LTBP2: variants seen among roughly 807,000 people sequenced by gnomAD.
LTBP2 encodes the protein latent transforming growth factor beta binding protein 2.
Under a neutral mutation model 210.6 loss-of-function variants are expected in LTBP2, and 103 were observed. The ratio of observed to expected loss-of-function variants is 0.49; its 90% CI spans 0.42 to 0.58. The LOEUF is 0.58. Ranked by LOEUF, LTBP2 falls within the 20% of genes least tolerant of loss-of-function variation. The probability of loss-of-function intolerance (pLI) is 0.00; values close to 1 mark genes in which losing one functional copy is unlikely to be tolerated. For synonymous variants in LTBP2, 1,007 were observed against 1,015.0 expected (o/e 0.99, Z 0.15); for missense variants, 2,313 against 2,494.5 (o/e 0.93, Z 1.55).
At chr14:74,610,400 A>G (rs1291252093) in intron 1 of LTBP2, among the ~76,000 whole-genome samples, 1 of 152,242 alleles carries the variant, frequency 6.6e-6, no homozygotes, top group Non-Finnish European at 1.5e-5. Flanking sequence ...ACAGAGCGCC[A>G]AGGCTGCGAA....
intron 2 of LTBP2, among the ~76,000 whole-genome samples, chr14:74,596,190 A>T (rs2088357593): frequency 6.6e-6 from 1 of 151,890 alleles, no homozygotes; most frequent in Non-Finnish European, 1.5e-5. Context: ...GCGCCACTGC[A>T]CTCCAGCCTG....
chr14:74,564,344 TTTATATATATTTA>T, intron 3 of LTBP2, among the ~76,000 whole-genome samples: 1 of 9,192 alleles, frequency 1.1e-4, no homozygotes, highest in South Asian at 6.3e-3. Flanking sequence ...TATATATATA[TTTATATATATTTA>T]TATATATATT....
chr14:74,567,069 G>A (rs1374200803), intron 3 of LTBP2, among the ~76,000 whole-genome samples: 1 of 152,200 alleles, frequency 6.6e-6, no homozygotes, highest in African/African-American at 2.4e-5. Context: ...CAGCTCAAGG[G>A]AACACAGCAT....
chr14:74,562,853 G>A (rs1566639857), intron 3 of LTBP2, among the ~76,000 whole-genome samples: 1 of 152,144 alleles, frequency 6.6e-6, no homozygotes, highest in Non-Finnish European at 1.5e-5. Flanking sequence ...AAAGCAATTT[G>A]GCAACGTCTA....
intron 18 of LTBP2, among the ~76,000 whole-genome samples, chr14:74,515,902 C>T (rs1489477313): frequency 6.6e-6 from 1 of 152,190 alleles, no homozygotes; most frequent in Non-Finnish European, 1.5e-5. Flanking sequence ...GAAGGCAGAG[C>T]TGTCTGTCCT....
At chr14:74,523,357 T>C (rs1366638011) in intron 15 of LTBP2, among the ~76,000 whole-genome samples, 2 of 150,666 alleles carry the variant, frequency 1.3e-5, no homozygotes, top group South Asian at 2.1e-4. Flanking sequence ...ATGGGAGGGG[T>C]GGACTGGGGT....
chr14:74,525,276 T>C (rs373243097), intron 14 of LTBP2, 51 bp from the exon 15 acceptor site: 7 of 1,073,554 alleles, frequency 6.5e-6, no homozygotes, highest in Non-Finnish European at 8.7e-6. Flanking sequence ...TGGCTGGCCA[T>C]GGCCCTTCCC....
chr14:74,526,144 G>A, intron 13 of LTBP2, 30 bp from the exon 14 acceptor site: 2 of 1,583,502 alleles, frequency 1.3e-6, no homozygotes, highest in Non-Finnish European at 1.7e-6. Flanking sequence ...GGTCACTTTT[G>A]GCTCCTCTGC....
chr14:74,529,534 C>T (rs1288113245), intron 10 of LTBP2, among the ~76,000 whole-genome samples: 2 of 152,136 alleles, frequency 1.3e-5, no homozygotes, highest in African/African-American at 4.8e-5. Flanking sequence ...GAGCTAAGGC[C>T]GGATGGGGAG....
chr14:74,544,412 C>A (rs902586549), intron 8 of LTBP2, among the ~76,000 whole-genome samples: 1 of 152,200 alleles, frequency 6.6e-6, no homozygotes, highest in African/African-American at 2.4e-5. Flanking sequence ...TAGCACCCAA[C>A]ATCTAGAAAT....
chr14:74,504,007 G>A lies in LTBP2; in HGVS notation c.4501C>T (p.Arg1501Trp), dbSNP rs767918369. The A allele has an allele frequency of 8.7e-6, 14 of 1,614,114 alleles. No homozygotes were observed. In the East Asian group the frequency reaches 1.6e-4, roughly 18 times the overall value. Residue 1501 changes from arginine to tryptophan, a missense_variant, in exon 31 of 36, where the codon CGG (arginine) becomes TGG (tryptophan). By Grantham distance (101) the Arg-to-Trp change is moderately radical. Around this residue, in one of 3 missense-constraint regions of LTBP2, gnomAD observed 443 missense variants for 501.4 expected, o/e 0.88. Transcript: ENST00000261978. ...IFGPGLCPNG[R>W]CLNTVPGYVC... Reference sequence around the variant, plus strand: ...TAACCAGGCACGGTGTTGAGGCACCGGCCGTTCGGGCAGAGACCAGGCCCG... The same window carrying A: ...TAACCAGGCACGGTGTTGAGGCACCAGCCGTTCGGGCAGAGACCAGGCCCG...
chr14:74,598,284 C>T (rs573432987), intron 2 of LTBP2, among the ~76,000 whole-genome samples: 1 of 152,202 alleles, frequency 6.6e-6, no homozygotes, highest in Non-Finnish European at 1.5e-5. Context: ...TCTCGTAGGA[C>T]TGAGATGGGG....
rs760924250 is a variant in LTBP2, at chr14:74,555,626, G to A, written c.898C>T (p.Leu300Phe). 3 of 1,608,918 alleles carry A rather than the reference G, an allele frequency of 1.9e-6. No homozygotes were observed. Among genetic ancestry groups the A allele is most frequent in the Non-Finnish European group, 2.5e-6 (3 of 1,176,812 alleles). The change falls in exon 4 of 36, where the codon CTT becomes TTT. Residue 300 changes from leucine to phenylalanine, a missense_variant. This residue lies in a region of LTBP2 where 1,867 missense variants were observed against 1,976.9 expected (regional missense o/e 0.94). Transcript: ENST00000261978. ...QHVGLSRTVRLHPTATASSQL... is the reference protein window; with the variant it reads ...QHVGLSRTVRFHPTATASSQL... Reference sequence around the variant, plus strand: ...CTACTGGCCGTGGCAGTCGGGTGAAGTCGGACAGTGCGGGACAACCCCACG... The same window carrying A: ...CTACTGGCCGTGGCAGTCGGGTGAAATCGGACAGTGCGGGACAACCCCACG...
chr14:74,536,100 G>A (rs919148955), intron 8 of LTBP2, 100 bp from the exon 9 acceptor site: 158 of 1,006,050 alleles, frequency 1.6e-4, no homozygotes, highest in South Asian at 7.1e-4. Context: ...CAGCCCACCC[G>A]GCAGCAGTGA....
At chr14:74,549,354 T>C (rs1595268676) in intron 8 of LTBP2, among the ~76,000 whole-genome samples, 2 of 152,188 alleles carry the variant, frequency 1.3e-5, no homozygotes, top group African/African-American at 4.8e-5. Context: ...GTTAGGTTTT[T>C]CCCATCGTCC....
chr14:74,554,103 T>C (rs184401842), intron 4 of LTBP2, among the ~76,000 whole-genome samples: 85 of 152,054 alleles, frequency 5.6e-4, no homozygotes, highest in African/African-American at 2.0e-3. Flanking sequence ...GAACGTGCCT[T>C]AGATAAGAGG....
intron 26 of LTBP2, 55 bp from the exon 27 acceptor site, chr14:74,506,878 TGCGCGCGC>T: frequency 3.8e-6 from 5 of 1,298,798 alleles, no homozygotes; most frequent in African/African-American, 1.6e-5. Flanking sequence ...TGTGTGTGTG[TGCGCGCGC>T]GCGTGTGTGC....
chr14:74,570,657 G>A (rs540883703), intron 3 of LTBP2, among the ~76,000 whole-genome samples: 104 of 152,194 alleles, frequency 6.8e-4, no homozygotes, highest in Admixed American at 9.8e-4. Flanking sequence ...GATTAGTACA[G>A]CAACCCTATG....
intron 3 of LTBP2, among the ~76,000 whole-genome samples, chr14:74,572,366 CAG>C (rs777582496): frequency 4.7e-5 from 7 of 149,470 alleles, no homozygotes; most frequent in Non-Finnish European, 7.4e-5. Context: ...TGCGCCATGA[CAG>C]GGGGAGGAGG....
Sources: gnomAD v4.1 joint callset for allele counts (sites outside exome capture counted in the v4.1 genomes callset) on GRCh38, gnomAD v4.1.1 for gene constraint, gnomAD v4.1.1 regional missense constraint, MANE v1.5 for transcripts, NCBI Gene and HGNC (gene_info 2026-07-23, HGNC 2026-07-21) for gene names.